PEX5L: variants seen among roughly 807,000 people sequenced by gnomAD.
PEX5L encodes PEX5-related protein.
PEX5L carries 30 observed loss-of-function variants against 84.0 expected under a neutral mutation model. The ratio of observed to expected loss-of-function variants is 0.36; its 90% CI spans 0.27 to 0.48. The LOEUF is 0.48. PEX5L is among the 20% of genes least tolerant of loss of function. The probability of loss-of-function intolerance (pLI) is 0.99; values close to 1 mark genes in which losing one functional copy is unlikely to be tolerated. For synonymous variants in PEX5L, 270 were observed against 283.1 expected, an observed-to-expected ratio of 0.95 and a Z score of 0.46; for missense variants, 533 against 754.6, an observed-to-expected ratio of 0.71 and a Z score of 3.44.
At chr3:179,913,410 T>A (rs1431825029) in intron 2 of PEX5L, among the ~76,000 whole-genome samples, 1 of 152,164 alleles carries the variant, frequency 6.6e-6, no homozygotes, top group Non-Finnish European at 1.5e-5. Flanking sequence ...TTAAAGATCT[T>A]ATTGCAAATT....
At chr3:179,993,697 T>G (rs1787594944) in intron 1 of PEX5L, among the ~76,000 whole-genome samples, 1 of 152,018 alleles carries the variant, frequency 6.6e-6, no homozygotes, top group South Asian at 2.1e-4. Flanking sequence ...GAGATGGTGT[T>G]TCACTATGTT....
chr3:179,883,243 C>T (rs918305360), intron 4 of PEX5L, among the ~76,000 whole-genome samples: 5 of 152,110 alleles, frequency 3.3e-5, no homozygotes, highest in Admixed American at 3.3e-4. Context: ...GACCACATGT[C>T]AGTCACCACT....
intron 2 of PEX5L, among the ~76,000 whole-genome samples, chr3:179,965,029 C>T (rs1182590345): frequency 6.6e-6 from 1 of 152,176 alleles, no homozygotes; most frequent in Non-Finnish European, 1.5e-5. Context: ...CTGTAAAGAC[C>T]TTGCTCTTAA....
At chr3:179,936,162 G>A (rs1349858811) in intron 2 of PEX5L, among the ~76,000 whole-genome samples, 3 of 152,204 alleles carry the variant, frequency 2.0e-5, no homozygotes, top group African/African-American at 7.2e-5. Context: ...GGGTAAGAAG[G>A]AGATGGGGAT....
chr3:179,964,722 A>C (rs1366027358), intron 2 of PEX5L, among the ~76,000 whole-genome samples: 1 of 152,190 alleles, frequency 6.6e-6, no homozygotes. Flanking sequence ...TAATCACTAG[A>C]GAAATGCATA....
At chr3:180,013,978 T>C (rs1054643277) in intron 1 of PEX5L, among the ~76,000 whole-genome samples, 5 of 152,198 alleles carry the variant, frequency 3.3e-5, no homozygotes, top group African/African-American at 1.2e-4. Context: ...TCATATTCCA[T>C]TGCAAACTGC....
chr3:180,023,453 G>C (rs970191704), intron 1 of PEX5L, among the ~76,000 whole-genome samples: 2 of 152,124 alleles, frequency 1.3e-5, no homozygotes, highest in African/African-American at 4.8e-5. Context: ...AATTAGGAGA[G>C]GCTGATCTTT....
intron 14 of PEX5L, among the ~76,000 whole-genome samples, chr3:179,802,453 T>G (rs2108661143): frequency 6.9e-6 from 1 of 145,400 alleles, no homozygotes; most frequent in Admixed American, 7.2e-5. Context: ...GAGAATGGCT[T>G]GAACCCAGGA....
At chr3:179,939,761 C>G (rs905760750) in intron 2 of PEX5L, among the ~76,000 whole-genome samples, 1 of 152,180 alleles carries the variant, frequency 6.6e-6, no homozygotes, top group African/African-American at 2.4e-5. Flanking sequence ...CAGGCCCCCC[C>G]ACTGAGTGAG....
intron 1 of PEX5L, among the ~76,000 whole-genome samples, chr3:179,996,053 C>T (rs1787860976): frequency 1.3e-5 from 2 of 152,180 alleles, no homozygotes; most frequent in African/African-American, 4.8e-5. Context: ...AGGAGATAAA[C>T]TCTGCTGCCT....
chr3:179,982,113 C>T (rs1030181706), intron 1 of PEX5L, among the ~76,000 whole-genome samples: 2 of 152,076 alleles, frequency 1.3e-5, no homozygotes, highest in Admixed American at 1.3e-4. Flanking sequence ...GAGGACAAAA[C>T]CTTATAATGG....
At chr3:179,835,835 T>C (rs1244328158) in intron 8 of PEX5L, among the ~76,000 whole-genome samples, 1 of 152,156 alleles carries the variant, frequency 6.6e-6, no homozygotes, top group Non-Finnish European at 1.5e-5. Flanking sequence ...TCTTCAAAAT[T>C]AGATTTAAGT....
chr3:180,014,333 GTGGTGGCGGGCGCC>G (rs1687186844), intron 1 of PEX5L, among the ~76,000 whole-genome samples: 1 of 152,098 alleles, frequency 6.6e-6, no homozygotes, highest in Admixed American at 6.5e-5. Flanking sequence ...TTAGCCAGGC[GTGGTGGCGGGCGCC>G]TGGAGTCCCA....
chr3:179,922,449 T>G (rs1560723952), intron 2 of PEX5L, among the ~76,000 whole-genome samples: 1 of 148,384 alleles, frequency 6.7e-6, no homozygotes, highest in East Asian at 2.0e-4. Flanking sequence ...TCCTTTTCTT[T>G]TCTTTTTTTT....
intron 7 of PEX5L, 135 bp from the exon 8 acceptor site, chr3:179,859,292 T>G: frequency 1.5e-6 from 1 of 674,740 alleles, no homozygotes; most frequent in East Asian, 2.7e-5. Flanking sequence ...ATTTTTGGAG[T>G]ACTGTGCTGG....
At chr3:179,940,628 A>C (rs1053380358) in intron 2 of PEX5L, among the ~76,000 whole-genome samples, 7 of 152,188 alleles carry the variant, frequency 4.6e-5, no homozygotes, top group African/African-American at 1.7e-4. Flanking sequence ...AGAATACTCT[A>C]TACAGCATTA....
chr3:179,959,791 CCACTGTT>C (rs1468857558), intron 2 of PEX5L, among the ~76,000 whole-genome samples: 6 of 152,304 alleles, frequency 3.9e-5, no homozygotes, highest in African/African-American at 1.4e-4. Context: ...TGCTGTTTCT[CCACTGTT>C]CCTTCTCACT....
At chr3:180,024,377 C>CAAA (rs1367628311) in intron 1 of PEX5L, among the ~76,000 whole-genome samples, 2 of 99,474 alleles carry the variant, frequency 2.0e-5, no homozygotes, top group African/African-American at 9.1e-5. Context: ...TATATATACA[C>CAAA]ACACAAAAAA....
chr3:179,971,409 A>G (rs896852440), intron 2 of PEX5L, among the ~76,000 whole-genome samples, 185 bp downstream of exon 2: 3 of 152,124 alleles, frequency 2.0e-5, no homozygotes, highest in Non-Finnish European at 4.4e-5. Context: ...GCATGTTGGC[A>G]TCATGCAAAA....
Sources: allele counts gnomAD v4.1 joint callset (sites outside exome capture counted in the v4.1 genomes callset), GRCh38; gene constraint gnomAD v4.1.1; transcripts MANE v1.5; gene names NCBI Gene and HGNC (gene_info 2026-07-23, HGNC 2026-07-21).